ADAM12: variants seen among roughly 807,000 people sequenced by gnomAD.
The protein encoded by ADAM12 is ADAM metallopeptidase domain 12, also known as disintegrin and metalloproteinase domain-containing protein 12.
ADAM12 carries 70 observed loss-of-function variants against 106.4 expected under a neutral mutation model. That is an observed-to-expected ratio of 0.66 (90% confidence interval 0.54 to 0.80). The LOEUF (loss-of-function observed/expected upper bound fraction) is 0.80, where lower values mean the gene tolerates loss of function less well. Ranked by LOEUF, ADAM12 falls within the 30% of genes least tolerant of loss-of-function variation. The probability of loss-of-function intolerance (pLI) is 0.00; values close to 1 mark genes in which losing one functional copy is unlikely to be tolerated. For missense variants in ADAM12, 1,010 were observed against 1,171.9 expected (o/e 0.86, Z 2.02); for synonymous variants, 420 against 433.5 (o/e 0.97, Z 0.39).
At chr10:126,156,317 C>G (rs978359213) in intron 3 of ADAM12, among the ~76,000 whole-genome samples, 5 of 152,186 alleles carry the variant, frequency 3.3e-5, no homozygotes, top group Non-Finnish European at 7.4e-5. Context: ...AGAACTAAGT[C>G]AAACGGAAAC....
At chr10:126,372,371 C>A (rs1052356573) in intron 1 of ADAM12, among the ~76,000 whole-genome samples, 1 of 152,162 alleles carries the variant, frequency 6.6e-6, no homozygotes, top group South Asian at 2.1e-4. Flanking sequence ...TCACCACAAC[C>A]CAGGGAGGTA....
intron 3 of ADAM12, among the ~76,000 whole-genome samples, chr10:126,214,382 A>G (rs1957950623): frequency 1.3e-5 from 2 of 152,212 alleles, no homozygotes; most frequent in South Asian, 4.1e-4. Flanking sequence ...TGCTCCTCTG[A>G]GATAACATTT....
At chr10:126,340,255 A>T (rs1180124789) in intron 1 of ADAM12, among the ~76,000 whole-genome samples, 1 of 152,252 alleles carries the variant, frequency 6.6e-6, no homozygotes, top group African/African-American at 2.4e-5. Flanking sequence ...AATGAGAACT[A>T]TTCATAAGGC....
chr10:126,062,198 A>C (rs1440508192), intron 14 of ADAM12, among the ~76,000 whole-genome samples: 1 of 152,198 alleles, frequency 6.6e-6, no homozygotes, highest in Non-Finnish European at 1.5e-5. Context: ...CCTGAGCCAA[A>C]GATAAAGCCT....
chr10:126,052,602 C>T (rs1360903327), intron 14 of ADAM12, among the ~76,000 whole-genome samples: 1 of 151,978 alleles, frequency 6.6e-6, no homozygotes, highest in Non-Finnish European at 1.5e-5. Context: ...TCAACAGCAG[C>T]CTGGGAGGAG....
chr10:126,197,905 C>T lies in ADAM12; in HGVS notation c.261-42600G>A, dbSNP rs540603213. Among the ~76,000 whole-genome samples, 136 of 152,290 alleles carry T rather than the reference C, an allele frequency of 8.9e-4. 1 individual carries two copies. The highest frequency in any genetic ancestry group is 3.2e-3 in the African/African-American group (131 of 41,580). On this transcript the variant is annotated intron_variant, in intron 3 of 22. Coordinates refer to ENST00000448723, the MANE Select transcript of ADAM12 (RefSeq NM_001288973.2). ...CAGACAGCGGGTGGTACGTGGAAGG[C>T]CTAAGTCTCCACCACGCATGGGGTG...
chr10:126,340,265 C>A (rs1854877472), intron 1 of ADAM12, among the ~76,000 whole-genome samples: 1 of 152,190 alleles, frequency 6.6e-6, no homozygotes, highest in Non-Finnish European at 1.5e-5. Context: ...ATTCATAAGG[C>A]AAACATGGAG....
chr10:126,029,577 A>G (rs537295445), intron 21 of ADAM12, among the ~76,000 whole-genome samples: 1 of 152,088 alleles, frequency 6.6e-6, no homozygotes, highest in African/African-American at 2.4e-5. Flanking sequence ...GGGAGGAGGA[A>G]AGCATCAGGA....
chr10:126,321,913 G>GGC (rs1554866280), intron 2 of ADAM12, among the ~76,000 whole-genome samples: 1 of 138,084 alleles, frequency 7.2e-6, no homozygotes, highest in African/African-American at 2.6e-5. Flanking sequence ...GTCGGGGGGG[G>GGC]GGCTTCAGCA....
At chr10:126,354,993 A>C (rs992033166) in intron 1 of ADAM12, among the ~76,000 whole-genome samples, 5 of 152,206 alleles carry the variant, frequency 3.3e-5, no homozygotes, top group African/African-American at 1.2e-4. Flanking sequence ...TCTTATGTCA[A>C]TTGTCAAATA....
intron 20 of ADAM12, among the ~76,000 whole-genome samples, chr10:126,037,794 G>A (rs575890234): frequency 1.3e-5 from 2 of 152,318 alleles, no homozygotes; most frequent in Non-Finnish European, 2.9e-5. Flanking sequence ...AATTCTGAGA[G>A]CTCCATGTAA....
At chr10:126,300,030 T>C (rs548147088) in intron 2 of ADAM12, among the ~76,000 whole-genome samples, 4 of 152,358 alleles carry the variant, frequency 2.6e-5, no homozygotes, top group Admixed American at 2.6e-4. Flanking sequence ...TTCTTTCCTA[T>C]TATTTTTACC....
intron 10 of ADAM12, 122 bp from the exon 11 acceptor site, chr10:126,094,255 G>A (rs1213749647): frequency 1.0e-6 from 1 of 977,924 alleles, no homozygotes; most frequent in African/African-American, 1.6e-5. Flanking sequence ...TTCCTTATAA[G>A]GGACCAAGGT....
chr10:126,109,878 C>T (rs760037924), intron 6 of ADAM12, 38 bp from the exon 7 acceptor site: 1 of 1,589,164 alleles, frequency 6.3e-7, no homozygotes, highest in Admixed American at 1.7e-5. Flanking sequence ...TCTCTTAATG[C>T]CTCTCTGGCA....
intron 4 of ADAM12, 150 bp from the exon 5 acceptor site, chr10:126,135,810 T>C (rs1956394846): frequency 5.6e-6 from 4 of 708,432 alleles, no homozygotes; most frequent in Admixed American, 2.5e-5. Flanking sequence ...AAGCCCAACA[T>C]GACCCAGCCA....
chr10:126,294,057 T>C (rs1019380553), intron 2 of ADAM12, among the ~76,000 whole-genome samples: 1 of 152,210 alleles, frequency 6.6e-6, no homozygotes, highest in Non-Finnish European at 1.5e-5. Context: ...TCTTTGTATA[T>C]AGAAAGTATG....
At chr10:126,029,104 AG>A (rs981805210) in intron 21 of ADAM12, among the ~76,000 whole-genome samples, 17 of 152,296 alleles carry the variant, frequency 1.1e-4, no homozygotes, top group African/African-American at 4.1e-4. Flanking sequence ...AACAGATGCT[AG>A]AAAGGTTGCA....
intron 22 of ADAM12, among the ~76,000 whole-genome samples, chr10:126,019,182 T>C (rs1156641691): frequency 6.6e-6 from 1 of 152,188 alleles, no homozygotes; most frequent in Non-Finnish European, 1.5e-5. Flanking sequence ...TGTGAAGTGC[T>C]GGCTCCCCCT....
intron 3 of ADAM12, among the ~76,000 whole-genome samples, chr10:126,270,662 C>T (rs550870816): frequency 2.0e-5 from 3 of 152,284 alleles, no homozygotes; most frequent in South Asian, 4.2e-4. Flanking sequence ...ATAGCGGTGG[C>T]GCCAGGCATT....
Sources: gnomAD v4.1 joint callset for allele counts (sites outside exome capture counted in the v4.1 genomes callset) on GRCh38, gnomAD v4.1.1 for gene constraint, MANE v1.5 for transcripts, NCBI Gene and HGNC (gene_info 2026-07-23, HGNC 2026-07-21) for gene names.